FER: variants seen among roughly 807,000 people sequenced by gnomAD.
FER encodes the protein tyrosine-protein kinase Fer.
A neutral mutation model predicts 111.0 loss-of-function variants in FER; 63 were observed. The ratio of observed to expected loss-of-function variants is 0.57; its 90% CI spans 0.46 to 0.70. FER has a LOEUF of 0.70. Among genes scored for constraint, FER ranks in the 30% least tolerant of loss-of-function variants. The probability of loss-of-function intolerance (pLI) is 0.00; values close to 1 mark genes in which losing one functional copy is unlikely to be tolerated. For missense variants in FER, 914 were observed against 954.0 expected (o/e 0.96, Z 0.55); for synonymous variants, 327 against 313.9 (o/e 1.04, Z -0.44).
intron 1 of FER, among the ~76,000 whole-genome samples, chr5:108,753,279 C>G (rs1750700436): frequency 6.6e-6 from 1 of 152,016 alleles, no homozygotes; most frequent in South Asian, 2.1e-4. Flanking sequence ...ATTAAATTTA[C>G]TTAAATTTAA....
At chr5:108,817,314 CT>C (rs1209671470) in intron 3 of FER, among the ~76,000 whole-genome samples, 1 of 151,926 alleles carries the variant, frequency 6.6e-6, no homozygotes, top group African/African-American at 2.4e-5. Flanking sequence ...GAGTTGTCTT[CT>C]GGATTTCTAT....
intron 15 of FER, among the ~76,000 whole-genome samples, chr5:109,045,067 T>A (rs1205425077): frequency 2.6e-5 from 4 of 151,960 alleles, no homozygotes; most frequent in Non-Finnish European, 5.9e-5. Context: ...TATGTATATA[T>A]GCAATACTGT....
chr5:109,075,572 T>C (rs949328510), intron 16 of FER, among the ~76,000 whole-genome samples: 3 of 151,858 alleles, frequency 2.0e-5, no homozygotes, highest in East Asian at 1.9e-4. Context: ...TACAGGTGCC[T>C]GCCACCACAC....
At chr5:108,813,264 T>A (rs1284595978) in intron 3 of FER, among the ~76,000 whole-genome samples, 5 of 152,178 alleles carry the variant, frequency 3.3e-5, no homozygotes, top group Non-Finnish European at 5.9e-5. Context: ...TTGTTTCTCA[T>A]GAAAAATTTG....
At position 109,044,747 on chromosome 5, in the gene FER, A is replaced by G. The variant is rs1224360800; in HGVS notation, c.1781A>G (p.Lys594Arg). Residue 594 changes from lysine to arginine, a missense_variant, in exon 15 of 20, where the codon AAA becomes AGA. This residue lies in a region of FER where 774 missense variants were observed against 782.6 expected (regional missense o/e 0.99). Transcript: ENST00000281092. ...DKTSVAVKTC[K>R]EDLPQELKIK... ...ACTTCTGTTGCTGTTAAAACATGTA[A>G]AGAAGATCTTCCTCAGGAATTGAAA... 6.3e-7 allele frequency: 1 copy of G among 1,590,836 alleles called. No homozygotes were observed. The highest frequency in any genetic ancestry group is 1.2e-5 in the South Asian group (1 of 85,518).
intron 10 of FER, among the ~76,000 whole-genome samples, chr5:108,926,926 G>A (rs1753820182): frequency 6.6e-6 from 1 of 152,094 alleles, no homozygotes; most frequent in Non-Finnish European, 1.5e-5. Flanking sequence ...ATTTTAGGCA[G>A]AAGTTGTCCT....
intron 15 of FER, among the ~76,000 whole-genome samples, chr5:109,046,842 A>G (rs1001690919): frequency 6.6e-6 from 1 of 152,116 alleles, no homozygotes; most frequent in Non-Finnish European, 1.5e-5. Flanking sequence ...TTGTATGCAA[A>G]TATTGCACCA....
intron 13 of FER, among the ~76,000 whole-genome samples, chr5:108,967,790 G>C (rs901520046): frequency 1.5e-5 from 2 of 133,488 alleles, no homozygotes; most frequent in Non-Finnish European, 3.2e-5. Context: ...AAAACAATTA[G>C]GAAAGGGTAG....
At chr5:108,844,476 A>T (rs1376936610) in intron 5 of FER, among the ~76,000 whole-genome samples, 1 of 152,168 alleles carries the variant, frequency 6.6e-6, no homozygotes, top group Non-Finnish European at 1.5e-5. Flanking sequence ...TTATTTTTTA[A>T]CAGGTTCATT....
At chr5:109,120,710 A>G (rs897953405) in intron 17 of FER, among the ~76,000 whole-genome samples, 3 of 152,104 alleles carry the variant, frequency 2.0e-5, no homozygotes, top group Admixed American at 6.6e-5. Context: ...CTTTTTAACA[A>G]TATTGATTCC....
At chr5:109,072,148 A>G (rs753309518) in intron 16 of FER, among the ~76,000 whole-genome samples, 2 of 151,672 alleles carry the variant, frequency 1.3e-5, no homozygotes, top group Non-Finnish European at 3.0e-5. Flanking sequence ...TTTTAAGAAA[A>G]TTGTTTACCC....
intron 11 of FER, among the ~76,000 whole-genome samples, chr5:108,954,487 C>T (rs1366531417): frequency 6.6e-6 from 1 of 152,002 alleles, no homozygotes; most frequent in Non-Finnish European, 1.5e-5. Context: ...AGTGCTAACT[C>T]TAAATGCTAA....
rs189352069 is a variant in FER, at chr5:108,791,702, G to C, written c.-59-6422G>C. Among the ~76,000 whole-genome samples the C allele has an allele frequency of 2.0e-4, 30 of 152,070 alleles. No individual in the cohort carries two copies. In the East Asian group the frequency reaches 5.2e-3, roughly 26 times the overall value. On this transcript the variant is annotated intron_variant, in intron 2 of 19. Transcript: ENST00000281092. ...TAAATTTTGATGAAATCCAACTAAT[G>C]TGTTTTTATTTTGTCATTTGTGCTT...
intron 10 of FER, among the ~76,000 whole-genome samples, chr5:108,932,857 T>A: frequency 1.4e-5 from 1 of 69,152 alleles, no homozygotes; most frequent in East Asian, 2.6e-4. Context: ...CTTTGCCCAC[T>A]TTTTTTTTTT....
intron 13 of FER, among the ~76,000 whole-genome samples, chr5:109,011,374 CAA>C (rs1217650439): frequency 6.6e-6 from 1 of 152,120 alleles, no homozygotes; most frequent in Non-Finnish European, 1.5e-5. Flanking sequence ...TAATTTTAGA[CAA>C]AGAATTAGTG....
intron 17 of FER, among the ~76,000 whole-genome samples, chr5:109,139,404 G>T (rs1191606360): frequency 7.0e-6 from 1 of 143,458 alleles, no homozygotes; most frequent in African/African-American, 2.6e-5. Flanking sequence ...AGGCTGGAGT[G>T]CAGTGGTGCG....
chr5:109,131,516 GCTTT>G (rs1222898691), intron 17 of FER, among the ~76,000 whole-genome samples: 4 of 151,958 alleles, frequency 2.6e-5, no homozygotes, highest in Non-Finnish European at 2.9e-5. Flanking sequence ...ATTACCTTAA[GCTTT>G]CTTTATCTAA....
intron 17 of FER, among the ~76,000 whole-genome samples, chr5:109,124,161 A>G (rs1422276269): frequency 6.6e-6 from 1 of 152,212 alleles, no homozygotes; most frequent in Admixed American, 6.5e-5. Context: ...TGGGAAGTCG[A>G]GGCTGCAGTG....
At chr5:109,079,080 TAAAG>T (rs1776692953) in intron 16 of FER, among the ~76,000 whole-genome samples, 2 of 152,158 alleles carry the variant, frequency 1.3e-5, no homozygotes, top group Non-Finnish European at 2.9e-5. Context: ...GGGAGACATT[TAAAG>T]ATGAATTTGT....
Sources: allele counts gnomAD v4.1 joint callset (sites outside exome capture counted in the v4.1 genomes callset), GRCh38; gene constraint gnomAD v4.1.1; regional missense constraint gnomAD v4.1.1; transcripts MANE v1.5; gene names NCBI Gene and HGNC (gene_info 2026-07-23, HGNC 2026-07-21).